The following PTPRN2 variants were observed in gnomAD, a reference collection of about 807,000 sequenced individuals.
PTPRN2 encodes protein tyrosine phosphatase receptor type N2, also known as receptor-type tyrosine-protein phosphatase N2.
PTPRN2 carries 74 observed loss-of-function variants against 118.8 expected under a neutral mutation model. That is an observed-to-expected ratio of 0.62 (90% CI 0.52 to 0.76). The LOEUF is 0.76. Ranked by LOEUF, PTPRN2 falls within the 30% of genes least tolerant of loss-of-function variation. PTPRN2 has a pLI of 0.00. For synonymous variants in PTPRN2, 641 were observed against 608.0 expected, an observed-to-expected ratio of 1.05 and a Z score of -0.80; for missense variants, 1,481 against 1,394.4, an observed-to-expected ratio of 1.06 and a Z score of -0.99.
At chr7:158,462,609 C>T (rs546678642) in intron 2 of PTPRN2, among the ~76,000 whole-genome samples, 2 of 152,262 alleles carry the variant, frequency 1.3e-5, no homozygotes, top group South Asian at 2.1e-4. Flanking sequence ...AAAACTAAGA[C>T]AAAAAGGAGT....
chr7:157,799,113 G>T (rs1297227787), intron 12 of PTPRN2, among the ~76,000 whole-genome samples: 1 of 152,190 alleles, frequency 6.6e-6, no homozygotes, highest in South Asian at 2.1e-4. Flanking sequence ...GAGAGGTAGT[G>T]GTTGCAGCTG....
intron 2 of PTPRN2, among the ~76,000 whole-genome samples, chr7:158,433,140 T>G (rs1478081422): frequency 1.3e-5 from 2 of 152,264 alleles, no homozygotes; most frequent in African/African-American, 4.8e-5. Flanking sequence ...GGTTTTTTAT[T>G]GCTCTGTAGT....
intron 2 of PTPRN2, among the ~76,000 whole-genome samples, chr7:158,341,438 C>T (rs1806758612): frequency 6.7e-6 from 1 of 150,064 alleles, no homozygotes; most frequent in Non-Finnish European, 1.5e-5. Flanking sequence ...CACACTCTCA[C>T]CATAAGAGGT....
In PTPRN2 at chr7:157,560,802, G is replaced by C. The variant is rs1228014684; in HGVS notation, c.2902+8100C>G. Among the ~76,000 whole-genome samples the C allele has an allele frequency of 1.3e-5, 2 of 152,210 alleles. No individual in the cohort carries two copies. The highest frequency in any genetic ancestry group is 1.3e-4 in the Admixed American group (2 of 15,286). ...ACAAGAGACACTGCGGGCCCAACGT[G>C]TCTGTGAGGTCCCTTTCCCACTGGC... On this transcript the variant is annotated intron_variant, in intron 21 of 22. Coordinates refer to ENST00000389418, the MANE Select transcript of PTPRN2 (RefSeq NM_002847.5). The surrounding 1 kb of genome is among the most constrained non-coding windows in gnomAD (Gnocchi z 6.7).
intron 12 of PTPRN2, among the ~76,000 whole-genome samples, chr7:157,877,548 A>T: frequency 6.6e-6 from 1 of 151,782 alleles, no homozygotes; most frequent in East Asian, 1.9e-4. Context: ...CCCAGGTCCG[A>T]GTGCCCTACC....
intron 10 of PTPRN2, among the ~76,000 whole-genome samples, chr7:158,110,464 G>A (rs974836120): frequency 2.0e-5 from 3 of 152,202 alleles, no homozygotes; most frequent in African/African-American, 4.8e-5. Context: ...GGACAGGGCC[G>A]TGTCCACAGC....
chr7:157,796,007 C>T (rs945133366), intron 12 of PTPRN2, among the ~76,000 whole-genome samples: 11 of 152,246 alleles, frequency 7.2e-5, no homozygotes, highest in African/African-American at 2.4e-4. Context: ...GGTGCACACC[C>T]CTACCCTTCC....
chr7:157,840,006 GTGTGTGAC>G (rs1400297660), intron 12 of PTPRN2, among the ~76,000 whole-genome samples: 25 of 150,426 alleles, frequency 1.7e-4, no homozygotes, highest in African/African-American at 3.9e-4. Flanking sequence ...GTGTGTGACT[GTGTGTGAC>G]TGTGTGACTG....
At chr7:157,961,102 T>C (rs1801500175) in intron 11 of PTPRN2, among the ~76,000 whole-genome samples, 1 of 152,248 alleles carries the variant, frequency 6.6e-6, no homozygotes, top group Non-Finnish European at 1.5e-5. Context: ...AATATGTATC[T>C]GTAACACTCT....
chr7:158,463,416 TCATCAC>T lies in PTPRN2; in HGVS notation c.163+26313_163+26318del, dbSNP rs567019052. On this transcript the variant is annotated intron_variant, in intron 2 of 22. Coordinates refer to ENST00000389418, the MANE Select transcript of PTPRN2 (RefSeq NM_002847.5). Reference sequence around the variant, plus strand: ...ACCATCACGACCATCATTGTTGTCATCATCACCATCACCATCATTGTCATCACCATC... The same window carrying T: ...ACCATCACGACCATCATTGTTGTCATCATCACCATCATTGTCATCACCATC... Among the ~76,000 whole-genome samples the T allele has an allele frequency of 5.0e-4, 75 of 151,452 alleles. No homozygotes were observed. In the South Asian group the frequency reaches 6.7e-3, roughly 13 times the overall value.
chr7:158,264,223 A>G (rs909560434), intron 3 of PTPRN2, among the ~76,000 whole-genome samples: 2 of 152,170 alleles, frequency 1.3e-5, no homozygotes, highest in Non-Finnish European at 2.9e-5. Flanking sequence ...CCGCCTGAAA[A>G]TGTCGTGGTA....
intron 12 of PTPRN2, among the ~76,000 whole-genome samples, chr7:157,809,504 G>A (rs78813513): frequency 0.026 from 3,985 of 152,288 alleles, 219 homozygotes; most frequent in African/African-American, 0.09. Context: ...AAAAAGACAC[G>A]TTCAACTCCT....
At chr7:158,240,916 G>A (rs1795871167) in intron 3 of PTPRN2, among the ~76,000 whole-genome samples, 1 of 152,230 alleles carries the variant, frequency 6.6e-6, no homozygotes, top group South Asian at 2.1e-4. Context: ...AGCAGAAGCT[G>A]AGCCTGGCTT....
chr7:158,270,482 T>C (rs1798237549), intron 3 of PTPRN2, among the ~76,000 whole-genome samples: 1 of 152,070 alleles, frequency 6.6e-6, no homozygotes, highest in East Asian at 1.9e-4. Flanking sequence ...CCTCACTCAC[T>C]GGCCATAACG....
chr7:158,333,326 A>AATCTCACCATAAGAGGTGACAC, intron 2 of PTPRN2, among the ~76,000 whole-genome samples: 1 of 137,750 alleles, frequency 7.3e-6, no homozygotes, highest in East Asian at 2.2e-4. Context: ...TCACACCCAC[A>AATCTCACCATAAGAGGTGACAC]CTGTCACCAT....
intron 2 of PTPRN2, among the ~76,000 whole-genome samples, chr7:158,410,329 G>A (rs1486547386): frequency 3.3e-5 from 5 of 152,210 alleles, no homozygotes; most frequent in Non-Finnish European, 7.3e-5. Flanking sequence ...TGGGGGAAAG[G>A]ACACAGAATG....
At chr7:158,337,048 C>A (rs201349029) in intron 2 of PTPRN2, among the ~76,000 whole-genome samples, 13,322 of 90,132 alleles carry the variant, frequency 0.15, no homozygotes, top group Middle Eastern at 0.19. Flanking sequence ...CACTCACACC[C>A]ACACTGTCAC....
chr7:158,257,518 G>T (rs963081905), intron 3 of PTPRN2, among the ~76,000 whole-genome samples: 5 of 152,170 alleles, frequency 3.3e-5, no homozygotes, highest in Non-Finnish European at 4.4e-5. Context: ...TCCTTCTGGG[G>T]GGCCCTCAAG....
At chr7:157,555,327 G>T (rs1798826947) in intron 21 of PTPRN2, among the ~76,000 whole-genome samples, 1 of 152,146 alleles carries the variant, frequency 6.6e-6, no homozygotes, top group South Asian at 2.1e-4. Context: ...GCCATTAAAA[G>T]AATATTAGTA....
Sources: allele counts gnomAD v4.1 joint callset (sites outside exome capture counted in the v4.1 genomes callset), GRCh38; gene constraint gnomAD v4.1.1; non-coding constraint Gnocchi (gnomAD v3.1); transcripts MANE v1.5; gene names NCBI Gene and HGNC (gene_info 2026-07-23, HGNC 2026-07-21).